TAF1C: variants seen among roughly 807,000 people sequenced by gnomAD.
The protein encoded by TAF1C is TATA-box binding protein associated factor, RNA polymerase I subunit C, also known as TATA box-binding protein-associated factor RNA polymerase I subunit C.
A neutral mutation model predicts 70.5 loss-of-function variants in TAF1C; 79 were observed. The ratio of observed to expected loss-of-function variants is 1.12; its 90% CI spans 0.93 to 1.35. TAF1C has a LOEUF of 1.35. TAF1C is among the 40% of genes most tolerant of loss of function. The pLI, the probability that TAF1C is intolerant of heterozygous loss-of-function variation, is 0.00. For missense variants in TAF1C, 1,412 were observed against 1,127.8 expected (o/e 1.25, Z -3.61); for synonymous variants, 614 against 491.1 (o/e 1.25, Z -3.31).
intron 2 of TAF1C, 117 bp downstream of exon 2, chr16:84,184,734 G>A: frequency 2.3e-6 from 3 of 1,327,010 alleles, no homozygotes; most frequent in Non-Finnish European, 2.0e-6. Flanking sequence ...CTGTGTCTCA[G>A]CAGACTCGTG....
chr16:84,178,963 T>C lies in TAF1C; in HGVS notation c.2510A>G (p.Lys837Arg), dbSNP rs766543719. 4.3e-6 allele frequency: 7 copies of C among 1,609,848 alleles called. No homozygotes were observed. Among genetic ancestry groups the C allele is most frequent in the African/African-American group, 2.7e-5 (2 of 74,900 alleles). The change falls in exon 15 of 15, where the codon AAG (lysine) becomes AGG (arginine). Residue 837 changes from lysine to arginine, a missense_variant. Lys to Arg is a conservative substitution (Grantham distance 26). Coordinates refer to ENST00000566732, the MANE Select transcript of TAF1C (RefSeq NM_001243156.2). ...PVLSSSQPLRKKPRMGF is the reference protein window; with the variant it reads ...PVLSSSQPLRRKPRMGF ...TCCTCAGAAGCCCATTCGAGGCTTCTTCCGGAGGGGCTGAGAGCTAGAGAG... is the reference window on the plus strand; with the variant it reads ...TCCTCAGAAGCCCATTCGAGGCTTCCTCCGGAGGGGCTGAGAGCTAGAGAG...
chr16:84,181,207 C>G lies in TAF1C; in HGVS notation c.1165-21G>C, dbSNP rs1240086014. 1.9e-6 allele frequency: 3 copies of G among 1,594,944 alleles called. No homozygotes were observed. The Admixed American group carries it at 5.0e-5, about 27-fold the overall frequency. ...GGGCCCTGGAAGATAAACACAGGGT[C>G]AGCCCTCCCCACAGTCCCAGGCCGG... On this transcript the variant is annotated intron_variant, in intron 11 of 14. Coordinates refer to ENST00000566732, the MANE Select transcript of TAF1C (RefSeq NM_001243156.2).
chr16:84,179,165 G>T lies in TAF1C; in HGVS notation c.2308C>A (p.Gln770Lys). 6.2e-7 allele frequency: 1 copy of T among 1,601,654 alleles called. No homozygotes were observed. ...LPLPPTTPPS[Q>K]ELTPDACAQG... Reference sequence around the variant, plus strand: ...GCGCATGCATCCGGAGTCAACTCCTGGGAGGGCGGGGTCGTGGGGGGCAGG... The same window carrying T: ...GCGCATGCATCCGGAGTCAACTCCTTGGAGGGCGGGGTCGTGGGGGGCAGG... Residue 770 changes from glutamine to lysine, a missense_variant, in exon 15 of 15, where the codon CAG becomes AAG. Transcript: ENST00000566732.
In TAF1C at chr16:84,181,998, C is replaced by T. The variant is rs1308487521; in HGVS notation, c.782G>A (p.Arg261His). 41 of 1,613,590 alleles carry T rather than the reference C, an allele frequency of 2.5e-5. No homozygotes were observed. The highest frequency in any genetic ancestry group is 4.5e-5 in the East Asian group (2 of 44,888). ...DNPQFLGKPG[R>H]IQLQGPVRQV... is the part of the protein sequence containing the mutation. ...CCGGACAGGTCCCTGGAGCTGGATG[C>T]GTCCAGGTTTCCCAAGGAATTGGGG... Residue 261 changes from arginine (R) to histidine (H), a missense_variant, in exon 8 of 15, where the codon CGC becomes CAC. Transcript: ENST00000566732.
chr16:84,182,322 G>T lies in TAF1C; in HGVS notation c.601C>A (p.Arg201=), dbSNP rs778970857. The change falls in exon 7 of 15, where the codon CGG becomes AGG. Residue 201 remains arginine, a synonymous_variant. Transcript: ENST00000566732. This position sits in a 1 kb window ranked among gnomAD's most constrained non-coding sequence, Gnocchi z 5.0. The part of the protein sequence containing the change: ...AELLHEELVL[R]WEQLLLDEAC... ...TCATCCAGAAGCAGCTGCTCCCACC[G>T]CAGCACCAGCTCCTCGTGCAGCAGC... The T allele has an allele frequency of 6.2e-7, 1 of 1,612,660 alleles. No individual in the cohort carries two copies. The highest frequency in any genetic ancestry group is 2.2e-5 in the East Asian group (1 of 44,872).
chr16:84,180,870 G>A, intron 12 of TAF1C, 173 bp downstream of exon 12: 2 of 1,420,602 alleles, frequency 1.4e-6, no homozygotes, highest in South Asian at 1.6e-5. Flanking sequence ...CCACCTGCCT[G>A]TTAGCACCGA....
intron 2 of TAF1C, among the ~76,000 whole-genome samples, chr16:84,184,509 A>G (rs1347707594): frequency 3.9e-5 from 6 of 152,152 alleles, no homozygotes; most frequent in Admixed American, 2.6e-4. Flanking sequence ...TTCTGCTTTC[A>G]TTCCAAGCTC....
In TAF1C at chr16:84,179,961, TCAGGCGCTCCTG is replaced by T; in HGVS notation, c.1594_1605del (p.Gln532_Leu535del). On this transcript the variant is annotated inframe_deletion, in exon 14 of 15. Coordinates refer to ENST00000566732, the MANE Select transcript of TAF1C (RefSeq NM_001243156.2). ...CCCAGCACACCTATGGTCGGTGCTT[TCAGGCGCTCCTG>T]CAGCCGCCACTGGATCTTAGGCTCC... 6.2e-7 allele frequency: 1 copy of T among 1,612,348 alleles called. No individual in the cohort carries two copies. Among genetic ancestry groups the T allele is most frequent in the Non-Finnish European group, 8.5e-7 (1 of 1,179,906 alleles).
chr16:84,181,217 C>T (rs367838976), intron 11 of TAF1C, 31 bp from the exon 12 acceptor site: 1 of 1,594,058 alleles, frequency 6.3e-7, no homozygotes, highest in Non-Finnish European at 8.6e-7. Flanking sequence ...CAGCCCTCCC[C>T]ACAGTCCCAG....
rs200696785 is a variant in TAF1C, at chr16:84,181,430, G to A, written c.1062C>T (p.Leu354=). 1.4e-5 allele frequency: 23 copies of A among 1,613,844 alleles called. No individual in the cohort carries two copies. The highest frequency in any genetic ancestry group is 2.2e-5 in the East Asian group (1 of 44,874). ...LRQIYRDPET[L]VFRDSSSWRW... is the part of the protein sequence containing the mutation. ...GCCACGAAGAGGAGTCCCGGAACAC[G>A]AGGGTCTCAGGGTCCCTGTAGATTT... Residue 354 remains leucine (L), a synonymous_variant, in exon 11 of 15, where the codon CTC becomes CTT. Transcript: ENST00000566732.
Position 84,178,802 on chromosome 16 carries a change from A to G in TAF1C, c.*139T>C, listed in dbSNP as rs1597522915. 2 of 921,392 alleles carry G rather than the reference A, an allele frequency of 2.2e-6. No individual in the cohort carries two copies. Among genetic ancestry groups the G allele is most frequent in the East Asian group, 2.6e-5 (1 of 39,026 alleles). 57.1% of individuals were successfully genotyped at this position (921,392 alleles called of 1,614,324 possible). A position where few individuals can be genotyped will look rare whatever the true frequency, so the allele number is the denominator to read the frequency against. ...GCCCTGTCCCTTCAACTTGGCTCCA[A>G]ATTGCTTGGCTCATCATCACAGTGG... On this transcript the variant is annotated 3_prime_UTR_variant, in exon 15 of 15. Transcript: ENST00000566732.
intron 1 of TAF1C, 189 bp from the exon 2 acceptor site, chr16:84,185,249 T>A: frequency 2.7e-6 from 1 of 373,574 alleles, no homozygotes; most frequent in East Asian, 5.1e-5. Flanking sequence ...AAAAGCCTCG[T>A]TGAGAAGGTG....
Position 84,180,273 on chromosome 16 carries a change from G to A in TAF1C, c.1380C>T (p.Ser460=). ...PMLKWNHGLP[S]PLLLARLLPP... is the part of the protein sequence containing the mutation. ...GCAGCAGTCGGGCCAGCAGGAGCGG[G>A]GAGGGGAGGCCATGGTTCCACTTCA... The change falls in exon 13 of 15, where the codon TCC becomes TCT. Residue 460 remains serine (S), a synonymous_variant. Coordinates refer to ENST00000566732, the MANE Select transcript of TAF1C (RefSeq NM_001243156.2). 1 of 1,549,434 alleles carries A rather than the reference G, an allele frequency of 6.5e-7. No individual in the cohort carries two copies. Among genetic ancestry groups the A allele is most frequent in the Non-Finnish European group, 8.7e-7 (1 of 1,148,422 alleles).
At chr16:84,183,372 C>T in intron 4 of TAF1C, 38 bp downstream of exon 4, 2 of 1,613,782 alleles carry the variant, frequency 1.2e-6, no homozygotes, top group Non-Finnish European at 1.7e-6. Context: ...AGCACAGTCT[C>T]CAGGCTACGC....
Position 84,183,796 on chromosome 16 carries a change from G to T in TAF1C, c.139-18C>A, listed in dbSNP as rs201750494. 300 of 1,598,640 alleles carry T rather than the reference G, an allele frequency of 1.9e-4. No homozygotes were observed. Among genetic ancestry groups the T allele is most frequent in the Non-Finnish European group, 2.8e-5 (33 of 1,168,754 alleles). ...GCCCCATTCTGAAGGGAGGACAATC[G>T]CAAGGACAGTATCATGATGAATGCC... On this transcript the variant is annotated intron_variant, in intron 2 of 14. Coordinates refer to ENST00000566732, the MANE Select transcript of TAF1C (RefSeq NM_001243156.2).
rs2088889605 is a variant in TAF1C at position 84,178,722 on chromosome 16, G to A, written c.*219C>T. ...CCGGCACCTCCAGCCTGCCTTGCGG[G>A]ATGATCTTCAGGCGAATATACAAAA... On this transcript the variant is annotated 3_prime_UTR_variant, in exon 15 of 15. Coordinates refer to ENST00000566732, the MANE Select transcript of TAF1C (RefSeq NM_001243156.2). 6.7e-6 allele frequency: 4 copies of A among 597,080 alleles called. No individual in the cohort carries two copies. In the Admixed American group the frequency reaches 1.2e-4, roughly 18 times the overall value. 37.0% of individuals were successfully genotyped at this position (597,080 alleles called of 1,614,324 possible). A position where few individuals can be genotyped will look rare whatever the true frequency, so the allele number is the denominator to read the frequency against.
intron 1 of TAF1C, chr16:84,185,443 C>G (rs991150564): frequency 3.2e-5 from 5 of 154,756 alleles, no homozygotes; most frequent in African/African-American, 1.2e-4. Flanking sequence ...CGGCAAGGGG[C>G]AGCCTCTCTC....
At position 84,182,044 on chromosome 16, in the gene TAF1C, C is replaced by A. The variant is rs756516010; in HGVS notation, c.736G>T (p.Val246Phe). ...TGGGGATTGTCACCTGGGGTCAGAA[C>A]GACCTCTTGGAAATCTGGGCCTCTC... ...AQDRLHFQEV[V>F]LTPGDNPQFL... The change falls in exon 8 of 15, where the codon GTT (valine) becomes TTT (phenylalanine). Residue 246 changes from valine (V) to phenylalanine (F), a missense_variant. By Grantham distance (50) the Val-to-Phe change is conservative. Coordinates refer to ENST00000566732, the MANE Select transcript of TAF1C (RefSeq NM_001243156.2). The surrounding 1 kb of genome is among the most constrained non-coding windows in gnomAD (Gnocchi z 5.0). 1.2e-6 allele frequency: 2 copies of A among 1,613,198 alleles called. No individual in the cohort carries two copies. Among genetic ancestry groups the A allele is most frequent in the Admixed American group, 1.7e-5 (1 of 59,980 alleles).
chr16:84,184,278 G>A (rs2089365445), intron 2 of TAF1C, among the ~76,000 whole-genome samples: 1 of 152,128 alleles, frequency 6.6e-6, no homozygotes, highest in Non-Finnish European at 1.5e-5. Flanking sequence ...TCGTAAGGAT[G>A]CCATCCCTGA....
Sources: allele counts gnomAD v4.1 joint callset (sites outside exome capture counted in the v4.1 genomes callset), GRCh38; gene constraint gnomAD v4.1.1; non-coding constraint Gnocchi (gnomAD v3.1); transcripts MANE v1.5; gene names NCBI Gene and HGNC (gene_info 2026-07-23, HGNC 2026-07-21).